Variants in NME7 observed in about 807,000 individuals in gnomAD.
NME7 encodes the protein NME/NM23 family member 7.
Under a neutral mutation model 49.1 loss-of-function variants are expected in NME7, and 41 were observed. The ratio of observed to expected loss-of-function variants is 0.83; its 90% CI spans 0.65 to 1.08. The LOEUF (loss-of-function observed/expected upper bound fraction) is 1.08. Ranked by LOEUF, NME7 falls within the 50% of genes least tolerant of loss-of-function variation. The pLI is 0.00. For synonymous variants in NME7, 139 were observed against 150.6 expected, an observed-to-expected ratio of 0.92 and a Z score of 0.56; for missense variants, 423 against 463.4, an observed-to-expected ratio of 0.91 and a Z score of 0.80.
chr1:169,287,067 G>T, intron 7 of NME7: 1 of 426,882 alleles, frequency 2.3e-6, no homozygotes. Context: ...CAGTATGACT[G>T]AGCCTGAGCA....
At chr1:169,147,640 G>C (rs1449878176) in intron 11 of NME7, among the ~76,000 whole-genome samples, 1 of 152,074 alleles carries the variant, frequency 6.6e-6, no homozygotes, top group Non-Finnish European at 1.5e-5. Context: ...ATAAGAAAGA[G>C]TTAATGCAAA....
Position 169,230,816 on chromosome 1 carries a change from T to A in NME7, c.892A>T (p.Met298Leu). Residue 298 changes from methionine to leucine, a missense_variant, in exon 10 of 12, where the codon ATG (methionine) becomes TTG (leucine). Met to Leu is a conservative substitution (Grantham distance 15). Coordinates refer to ENST00000367811, the MANE Select transcript of NME7 (RefSeq NM_013330.5). ...GGGCCAGAATACATTTCTGTCACCA[T>A]GTCCTATGATATGTAATATAAAAGA... ...YKGVVTEYHD[M>L]VTEMYSGPCV... is the part of the protein sequence containing the mutation. The A allele has an allele frequency of 6.3e-7, 1 of 1,578,038 alleles. No individual in the cohort carries two copies. The highest frequency in any genetic ancestry group is 1.4e-5 in the African/African-American group (1 of 73,864).
intron 1 of NME7, among the ~76,000 whole-genome samples, chr1:169,335,956 T>C (rs1652451138): frequency 6.6e-6 from 1 of 151,940 alleles, no homozygotes; most frequent in African/African-American, 2.4e-5. Flanking sequence ...ATTGGTGGGT[T>C]CTTGGTCTCA....
At chr1:169,339,206 T>G (rs999129954) in intron 1 of NME7, among the ~76,000 whole-genome samples, 4 of 152,222 alleles carry the variant, frequency 2.6e-5, no homozygotes, top group African/African-American at 9.6e-5. Flanking sequence ...GTAAGTCTGT[T>G]TACTTATATT....
chr1:169,331,499 A>G (rs940869397), intron 1 of NME7, among the ~76,000 whole-genome samples: 1 of 152,190 alleles, frequency 6.6e-6, no homozygotes, highest in Non-Finnish European at 1.5e-5. Flanking sequence ...AAAGATATAA[A>G]GGGCATCCAA....
chr1:169,281,362 T>C (rs2101888724), intron 7 of NME7, among the ~76,000 whole-genome samples: 1 of 152,316 alleles, frequency 6.6e-6, no homozygotes, highest in South Asian at 2.1e-4. Context: ...GCTAAGACAA[T>C]GGGGTTTTCT....
At chr1:169,349,855 G>C (rs1018891433) in intron 1 of NME7, among the ~76,000 whole-genome samples, 3 of 152,246 alleles carry the variant, frequency 2.0e-5, no homozygotes, top group East Asian at 1.9e-4. Flanking sequence ...AATTAGAATA[G>C]TTTTCTAAGC....
chr1:169,243,279 C>A (rs1374155761), intron 7 of NME7, among the ~76,000 whole-genome samples: 1 of 152,004 alleles, frequency 6.6e-6, no homozygotes, highest in Non-Finnish European at 1.5e-5. Context: ...AAAAGCAATT[C>A]AAATTAGAGA....
chr1:169,168,438 G>A (rs78648088), intron 11 of NME7, among the ~76,000 whole-genome samples: 56,155 of 151,606 alleles, frequency 0.37, 10,928 homozygotes, highest in East Asian at 0.73. Context: ...CGCCTTTTTT[G>A]GAGGCAAAGT....
intron 4 of NME7, chr1:169,303,547 G>A: frequency 6.4e-6 from 1 of 156,648 alleles, no homozygotes; most frequent in Non-Finnish European, 1.4e-5. Flanking sequence ...CACCTCCTGG[G>A]TTCAAGCAGT....
At chr1:169,340,295 C>T (rs1285883934) in intron 1 of NME7, among the ~76,000 whole-genome samples, 1 of 152,150 alleles carries the variant, frequency 6.6e-6, no homozygotes, top group East Asian at 1.9e-4. Flanking sequence ...TTCCCCTGCA[C>T]GTTCTCTCTC....
intron 6 of NME7, among the ~76,000 whole-genome samples, chr1:169,291,313 T>C (rs1444186228): frequency 2.6e-5 from 4 of 152,152 alleles, no homozygotes; most frequent in Admixed American, 1.3e-4. Flanking sequence ...ATATACAGCA[T>C]AGAATACTAT....
intron 10 of NME7, among the ~76,000 whole-genome samples, chr1:169,184,237 A>C (rs1660008740): frequency 6.6e-6 from 1 of 152,164 alleles, no homozygotes; most frequent in Admixed American, 6.5e-5. Context: ...AGAATGTATT[A>C]TAAAAATGCA....
At chr1:169,366,554 C>T (rs181472885) in intron 1 of NME7, among the ~76,000 whole-genome samples, 341 of 152,160 alleles carry the variant, frequency 2.2e-3, no homozygotes, top group Non-Finnish European at 4.0e-3. Flanking sequence ...AAGAAAAAAA[C>T]AACTGGAAGC....
chr1:169,151,139 G>A (rs1658902099), intron 11 of NME7, among the ~76,000 whole-genome samples: 1 of 135,642 alleles, frequency 7.4e-6, no homozygotes, highest in Non-Finnish European at 1.6e-5. Flanking sequence ...CCACCCCAGG[G>A]CTTCCAGGAG....
chr1:169,203,509 A>G (rs911827174), intron 10 of NME7, among the ~76,000 whole-genome samples: 1 of 152,064 alleles, frequency 6.6e-6, no homozygotes, highest in Non-Finnish European at 1.5e-5. Flanking sequence ...CACCATGTTC[A>G]CTCTAGGGTG....
At chr1:169,164,288 T>A (rs748674986) in intron 11 of NME7, among the ~76,000 whole-genome samples, 1 of 152,092 alleles carries the variant, frequency 6.6e-6, no homozygotes, top group Non-Finnish European at 1.5e-5. Context: ...TTAACTAAAC[T>A]CTTCCTTCCT....
In NME7 at chr1:169,261,210, T is replaced by C. The variant is rs1460587997; in HGVS notation, c.755-23523A>G. 6.0e-5 allele frequency among the ~76,000 whole-genome samples: 8 copies of C among 134,348 alleles called. 1 individual carries two copies. The highest frequency in any genetic ancestry group is 7.6e-3 in the Middle Eastern group (2 of 262). 88.1% of individuals were successfully genotyped at this position (134,348 alleles called of 152,430 possible). A position where few individuals can be genotyped will look rare whatever the true frequency, so the allele number is the denominator to read the frequency against. Reference sequence around the variant, plus strand: ...TAGATAATTAAGCTTATAAGTGATATTTATTGTTTGTGGTATTTATAGTTC... The same window carrying C: ...TAGATAATTAAGCTTATAAGTGATACTTATTGTTTGTGGTATTTATAGTTC... On this transcript the variant is annotated intron_variant, in intron 7 of 11. Coordinates refer to ENST00000367811, the MANE Select transcript of NME7 (RefSeq NM_013330.5).
At chr1:169,261,578 C>T (rs2101863807) in intron 7 of NME7, among the ~76,000 whole-genome samples, 1 of 133,430 alleles carries the variant, frequency 7.5e-6, no homozygotes, top group African/African-American at 2.5e-5. Flanking sequence ...CTTCCCTAAC[C>T]ATCTCCTTGG....
Sources: allele counts gnomAD v4.1 joint callset (sites outside exome capture counted in the v4.1 genomes callset), GRCh38; gene constraint gnomAD v4.1.1; transcripts MANE v1.5; gene names NCBI Gene and HGNC (gene_info 2026-07-23, HGNC 2026-07-21).